The following PEX26 variants were observed in gnomAD, a reference collection of about 807,000 sequenced individuals.
PEX26 encodes peroxisome assembly protein 26.
Under a neutral mutation model 31.4 loss-of-function variants are expected in PEX26, and 18 were observed. The ratio of observed to expected loss-of-function variants is 0.57; its 90% CI spans 0.40 to 0.85. The LOEUF (loss-of-function observed/expected upper bound fraction) is 0.85, where lower values mean the gene tolerates loss of function less well. Ranked by LOEUF, PEX26 falls within the 40% of genes least tolerant of loss-of-function variation. The probability of loss-of-function intolerance (pLI) is 0.00; values close to 1 mark genes in which losing one functional copy is unlikely to be tolerated. For synonymous variants in PEX26, 176 were observed against 166.9 expected, an observed-to-expected ratio of 1.05 and a Z score of -0.42; for missense variants, 377 against 383.9, an observed-to-expected ratio of 0.98 and a Z score of 0.15.
Position 18,088,266 on chromosome 22 carries a change from A to G in PEX26, c.*191A>G. 2 of 693,274 alleles carry G rather than the reference A, an allele frequency of 2.9e-6. No individual in the cohort carries two copies. 42.9% of individuals were successfully genotyped at this position (693,274 alleles called of 1,614,324 possible). A position where few individuals can be genotyped will look rare whatever the true frequency, so the allele number is the denominator to read the frequency against. On this transcript the variant is annotated 3_prime_UTR_variant, in exon 5 of 5. Coordinates refer to ENST00000399744, the MANE Select transcript of PEX26 (RefSeq NM_001127649.3). This position sits in a 1 kb window ranked among gnomAD's most constrained non-coding sequence, Gnocchi z 4.1. The stretch of plus-strand genomic sequence containing the variant: ...CGGCTGGTCGCGGTAGATGATGTGG[A>G]AACAAAGCAGGACCAGCAGGCACAG...
In PEX26 at chr22:18,095,109, A is replaced by C. The variant is rs909732397; in HGVS notation, c.*7034A>C. On this transcript the variant is annotated 3_prime_UTR_variant, in exon 5 of 5. Coordinates refer to ENST00000399744, the MANE Select transcript of PEX26 (RefSeq NM_001127649.3). Reference sequence around the variant, plus strand: ...AACTTGGATTTTGGCCTTAGGAATTAGGGAAGGAAGAAATAGAAGCAGCAA... The same window carrying C: ...AACTTGGATTTTGGCCTTAGGAATTCGGGAAGGAAGAAATAGAAGCAGCAA... 5 of 152,202 alleles carry C rather than the reference A, an allele frequency of 3.3e-5. No individual in the cohort carries two copies. Among genetic ancestry groups the C allele is most frequent in the African/African-American group, 1.2e-4 (5 of 41,438 alleles). 9.4% of individuals were successfully genotyped at this position (152,202 alleles called of 1,614,324 possible).
In PEX26 at chr22:18,093,764, TA is replaced by T. The variant is rs1450023309; in HGVS notation, c.*5692del. ...GGTACGACCCCATTTCTATTAAAAA[TA>T]AATGTAAACACCCAACCCTCTTGGC... On this transcript the variant is annotated 3_prime_UTR_variant, in exon 5 of 5. Transcript: ENST00000399744. The T allele has an allele frequency of 6.6e-6, 1 of 152,062 alleles. No homozygotes were observed. The highest frequency in any genetic ancestry group is 1.5e-5 in the Non-Finnish European group (1 of 68,016). The allele number at this position is 152,062 out of a possible 1,614,324, so 9.4% of individuals were successfully genotyped here.
Position 18,085,136 on chromosome 22 carries a change from C to T in PEX26, c.692C>T (p.Ser231Leu), listed in dbSNP as rs2123657386. ...LEGSVSHKFL[S>L]LPMLVRQLWD... ...GGCTCTGTCTCCCACAAGTTCCTGT[C>T]ACTACCGATGTTGGTTCGCCAGCTT... The change falls in exon 4 of 5, where the codon TCA (serine) becomes TTA (leucine). Residue 231 changes from serine (S) to leucine (L), a missense_variant. Coordinates refer to ENST00000399744, the MANE Select transcript of PEX26 (RefSeq NM_001127649.3). The T allele has an allele frequency of 6.2e-7, 1 of 1,614,180 alleles. No homozygotes were observed. The highest frequency in any genetic ancestry group is 1.1e-5 in the South Asian group (1 of 91,088).
In PEX26 at chr22:18,078,370, A is replaced by T. The variant is rs747273337; in HGVS notation, c.-7A>T. On this transcript the variant is annotated 5_prime_UTR_variant, in exon 1 of 5. Coordinates refer to ENST00000399744, the MANE Select transcript of PEX26 (RefSeq NM_001127649.3). ...CTGAGGACCTGGGCCTTGGACCCGG[A>T]CTCGTTATGAAGAGCGATTCTTCGA... The T allele has an allele frequency of 1.3e-6, 2 of 1,591,482 alleles. No individual in the cohort carries two copies. The highest frequency in any genetic ancestry group is 3.4e-5 in the Admixed American group (2 of 58,798).
chr22:18,088,154 G>A lies in PEX26; in HGVS notation c.*79G>A. 1.0e-6 allele frequency: 1 copy of A among 957,218 alleles called. No homozygotes were observed. Among genetic ancestry groups the A allele is most frequent in the Non-Finnish European group, 1.7e-6 (1 of 589,760 alleles). 59.3% of individuals were successfully genotyped at this position (957,218 alleles called of 1,614,324 possible). A position where few individuals can be genotyped will look rare whatever the true frequency, so the allele number is the denominator to read the frequency against. ...AGAGCGACAGAGCGACACATCCACA[G>A]GCGCCCCTGGGGAAATGGGACCAGC... On this transcript the variant is annotated 3_prime_UTR_variant, in exon 5 of 5. Coordinates refer to ENST00000399744, the MANE Select transcript of PEX26 (RefSeq NM_001127649.3). The surrounding 1 kb of genome is among the most constrained non-coding windows in gnomAD (Gnocchi z 4.1).
chr22:18,085,046 G>C (rs1012039009), intron 3 of PEX26, 66 bp from the exon 4 acceptor site: 85 of 1,580,002 alleles, frequency 5.4e-5, no homozygotes, highest in Non-Finnish European at 7.1e-5. Flanking sequence ...AGCAAGCACA[G>C]AGGTCGGGGT....
chr22:18,096,533 C>T lies in PEX26; in HGVS notation c.*8458C>T, dbSNP rs1264118678. 6.6e-6 allele frequency: 1 copy of T among 152,230 alleles called. No individual in the cohort carries two copies. The highest frequency in any genetic ancestry group is 1.5e-5 in the Non-Finnish European group (1 of 68,158). The allele number at this position is 152,230 out of a possible 1,614,324, so 9.4% of individuals were successfully genotyped here. A position where few individuals can be genotyped will look rare whatever the true frequency, so the allele number is the denominator to read the frequency against. ...TCCCAGGTTCATGCCATTCTTCTGCCTCAGCCTCCCGAATAGCTGGGACTA... is the reference window on the plus strand; with the variant it reads ...TCCCAGGTTCATGCCATTCTTCTGCTTCAGCCTCCCGAATAGCTGGGACTA... On this transcript the variant is annotated 3_prime_UTR_variant, in exon 5 of 5. Transcript: ENST00000399744.
In PEX26 at chr22:18,099,522, T is replaced by G. The variant is rs140247595; in HGVS notation, c.*11447T>G. 6.6e-6 allele frequency: 1 copy of G among 152,358 alleles called. No homozygotes were observed. Among genetic ancestry groups the G allele is most frequent in the East Asian group, 1.9e-4 (1 of 5,186 alleles). The allele number at this position is 152,358 out of a possible 1,614,324, so 9.4% of individuals were successfully genotyped here. A position where few individuals can be genotyped will look rare whatever the true frequency, so the allele number is the denominator to read the frequency against. ...CATATGTGCTTATTTTAAGCATATA[T>G]CTACCAATTTGAGTTTGGCATTCTT... On this transcript the variant is annotated 3_prime_UTR_variant, in exon 5 of 5. Transcript: ENST00000399744.
intron 4 of PEX26, 71 bp from the exon 5 acceptor site, chr22:18,087,901 C>A: frequency 1.0e-6 from 1 of 994,646 alleles, no homozygotes; most frequent in Non-Finnish European, 1.6e-6. Flanking sequence ...TGGAGTCTCC[C>A]AGGGTGGGAG....
At position 18,092,021 on chromosome 22, in the gene PEX26, A is replaced by C. The variant is rs372945489; in HGVS notation, c.*3946A>C. 5 of 152,420 alleles carry C rather than the reference A, an allele frequency of 3.3e-5. No individual in the cohort carries two copies. The East Asian group carries it at 9.7e-4, about 29-fold the overall frequency. 9.4% of individuals were successfully genotyped at this position (152,420 alleles called of 1,614,324 possible). A position where few individuals can be genotyped will look rare whatever the true frequency, so the allele number is the denominator to read the frequency against. ...CAGCCCAAGGAACTGTCAGAAAGCG[A>C]AAGTGATGACATGAACCGCGAGTAG... On this transcript the variant is annotated 3_prime_UTR_variant, in exon 5 of 5. Transcript: ENST00000399744.
Position 18,092,250 on chromosome 22 carries a change from C to G in PEX26, c.*4175C>G, listed in dbSNP as rs1927128867. The G allele has an allele frequency of 6.6e-6, 1 of 152,294 alleles. No individual in the cohort carries two copies. Among genetic ancestry groups the G allele is most frequent in the Non-Finnish European group, 1.5e-5 (1 of 68,082 alleles). The allele number at this position is 152,294 out of a possible 1,614,324, so 9.4% of individuals were successfully genotyped here. Reference sequence around the variant, plus strand: ...CACCCACGGCCTGGCCAAGGTCGGCCTCACCGCCCTGGCCTAGCACCTTTG... The same window carrying G: ...CACCCACGGCCTGGCCAAGGTCGGCGTCACCGCCCTGGCCTAGCACCTTTG... On this transcript the variant is annotated 3_prime_UTR_variant, in exon 5 of 5. Coordinates refer to ENST00000399744, the MANE Select transcript of PEX26 (RefSeq NM_001127649.3).
Position 18,088,098 on chromosome 22 carries a change from C to A in PEX26, c.*23C>A. 1 of 1,464,528 alleles carries A rather than the reference C, an allele frequency of 6.8e-7. No homozygotes were observed. Among genetic ancestry groups the A allele is most frequent in the Non-Finnish European group, 9.6e-7 (1 of 1,046,220 alleles). 90.7% of individuals were successfully genotyped at this position (1,464,528 alleles called of 1,614,324 possible). ...TGAGGGTCCCTGCGCACCACAGCCT[C>A]TCTGCTCCTCACGTCCGTGGCCACA... On this transcript the variant is annotated 3_prime_UTR_variant, in exon 5 of 5. Coordinates refer to ENST00000399744, the MANE Select transcript of PEX26 (RefSeq NM_001127649.3). The surrounding 1 kb of genome is among the most constrained non-coding windows in gnomAD (Gnocchi z 4.1).
rs377066873 is a variant in PEX26, at chr22:18,088,115, G to C, written c.*40G>C. ...CACAGCCTCTCTGCTCCTCACGTCC[G>C]TGGCCACAGAAGCAGAGCGACAGAG... On this transcript the variant is annotated 3_prime_UTR_variant, in exon 5 of 5. Coordinates refer to ENST00000399744, the MANE Select transcript of PEX26 (RefSeq NM_001127649.3). This position sits in a 1 kb window ranked among gnomAD's most constrained non-coding sequence, Gnocchi z 4.1. 7.5e-7 allele frequency: 1 copy of C among 1,341,814 alleles called. No individual in the cohort carries two copies. Among genetic ancestry groups the C allele is most frequent in the South Asian group, 1.2e-5 (1 of 85,818 alleles). The allele number at this position is 1,341,814 out of a possible 1,614,324, so 83.1% of individuals were successfully genotyped here.
chr22:18,104,253 T>A lies in PEX26; in HGVS notation c.*16178T>A, dbSNP rs944471948. 6.6e-6 allele frequency: 1 copy of A among 152,172 alleles called. No homozygotes were observed. Among genetic ancestry groups the A allele is most frequent in the African/African-American group, 2.4e-5 (1 of 41,352 alleles). The allele number at this position is 152,172 out of a possible 1,614,324, so 9.4% of individuals were successfully genotyped here. On this transcript the variant is annotated 3_prime_UTR_variant, in exon 5 of 5. Coordinates refer to ENST00000399744, the MANE Select transcript of PEX26 (RefSeq NM_001127649.3). ...TTTCGCTCTGTCGCCCATGCTGGAGTGCAATGGCGCGATCTCGGCTCACCA... is the reference window on the plus strand; with the variant it reads ...TTTCGCTCTGTCGCCCATGCTGGAGAGCAATGGCGCGATCTCGGCTCACCA...
intron 2 of PEX26, chr22:18,081,614 T>C: frequency 6.0e-6 from 1 of 165,626 alleles, no homozygotes; most frequent in South Asian, 1.1e-4. Context: ...CACAACTTGC[T>C]TAGGTGCAGA....
In PEX26 at chr22:18,092,635, CT is replaced by C. The variant is rs1927141277; in HGVS notation, c.*4561del. On this transcript the variant is annotated 3_prime_UTR_variant, in exon 5 of 5. Coordinates refer to ENST00000399744, the MANE Select transcript of PEX26 (RefSeq NM_001127649.3). ...TGATTTTCTTTCAGCTTTTTTCCCC[CT>C]AATTAATTAACTAATTCTTTTTTTT... 1 of 151,684 alleles carries C rather than the reference CT, an allele frequency of 6.6e-6. No individual in the cohort carries two copies. The allele number at this position is 151,684 out of a possible 1,614,324, so 9.4% of individuals were successfully genotyped here.
chr22:18,099,640 A>C lies in PEX26; in HGVS notation c.*11565A>C, dbSNP rs1462776130. 6.6e-6 allele frequency: 1 copy of C among 152,214 alleles called. No individual in the cohort carries two copies. Among genetic ancestry groups the C allele is most frequent in the East Asian group, 1.9e-4 (1 of 5,194 alleles). 9.4% of individuals were successfully genotyped at this position (152,214 alleles called of 1,614,324 possible). On this transcript the variant is annotated 3_prime_UTR_variant, in exon 5 of 5. Coordinates refer to ENST00000399744, the MANE Select transcript of PEX26 (RefSeq NM_001127649.3). ...CTAGGACTGCTGTTAACAAATTGCCACAAATGTATGGCTTAAAACAACAGA... is the reference window on the plus strand; with the variant it reads ...CTAGGACTGCTGTTAACAAATTGCCCCAAATGTATGGCTTAAAACAACAGA...
rs1185984255 is a variant in PEX26 at position 18,102,406 on chromosome 22, A to T, written c.*14331A>T. On this transcript the variant is annotated 3_prime_UTR_variant, in exon 5 of 5. Transcript: ENST00000399744. ...TCAATAGCTGCAGCCTCTCCAAGCC[A>T]GTGGGCTGGTGACATCCAGGATGAT... 1 of 154,426 alleles carries T rather than the reference A, an allele frequency of 6.5e-6. No homozygotes were observed. The highest frequency in any genetic ancestry group is 1.9e-4 in the East Asian group (1 of 5,196). 9.6% of individuals were successfully genotyped at this position (154,426 alleles called of 1,614,324 possible).
chr22:18,091,034 C>T lies in PEX26; in HGVS notation c.*2959C>T, dbSNP rs963115086. ...ATTCAAAAGTTACAAAAAGGGTATT[C>T]TTGGAAAAGAAAGTTGTTTTTTTTT... On this transcript the variant is annotated 3_prime_UTR_variant, in exon 5 of 5. Transcript: ENST00000399744. 2.0e-5 allele frequency: 3 copies of T among 152,170 alleles called. No individual in the cohort carries two copies. Among genetic ancestry groups the T allele is most frequent in the Non-Finnish European group, 4.4e-5 (3 of 68,054 alleles). 9.4% of individuals were successfully genotyped at this position (152,170 alleles called of 1,614,324 possible).
Sources: allele counts gnomAD v4.1 joint callset, GRCh38; gene constraint gnomAD v4.1.1; non-coding constraint Gnocchi (gnomAD v3.1); transcripts MANE v1.5; gene names NCBI Gene and HGNC (gene_info 2026-07-23, HGNC 2026-07-21).